The following DAB1 variants were observed in gnomAD, a reference collection of about 807,000 sequenced individuals.
The protein encoded by DAB1 is DAB adaptor protein 1.
DAB1 carries 15 observed loss-of-function variants against 64.6 expected under a neutral mutation model. The observed-to-expected ratio is 0.23, with a 90% CI of 0.16 to 0.36. The LOEUF (loss-of-function observed/expected upper bound fraction) is 0.36, where lower values mean the gene tolerates loss of function less well. Among genes scored for constraint, DAB1 ranks in the 10% least tolerant of loss-of-function variants. DAB1 has a pLI of 1.00. For synonymous variants in DAB1, 235 were observed against 251.9 expected (o/e 0.93, Z 0.64); for missense variants, 596 against 706.7 (o/e 0.84, Z 1.78).
chr1:57,707,045 G>T (rs1216410057), intron 6 of DAB1, among the ~76,000 whole-genome samples: 1 of 152,056 alleles, frequency 6.6e-6, no homozygotes, highest in Non-Finnish European at 1.5e-5. Flanking sequence ...CTGTCCTCTA[G>T]CCTGGGCAAC....
chr1:57,442,072 C>T (rs975248084), intron 7 of DAB1, among the ~76,000 whole-genome samples: 1 of 152,124 alleles, frequency 6.6e-6, no homozygotes, highest in Non-Finnish European at 1.5e-5. Context: ...TGTATAGGCT[C>T]ATTTCTAATC....
At chr1:57,658,470 A>G (rs1646344519) in intron 6 of DAB1, among the ~76,000 whole-genome samples, 1 of 151,204 alleles carries the variant, frequency 6.6e-6, no homozygotes. Context: ...TGCCCGGCTA[A>G]TTTTTTGTAT....
rs1646687036 is a variant in DAB1, at chr1:57,023,517, G to A, written c.895+14C>T. The A allele has an allele frequency of 4.0e-6, 6 of 1,491,734 alleles. No homozygotes were observed. Among genetic ancestry groups the A allele is most frequent in the Non-Finnish European group, 5.6e-6 (6 of 1,076,168 alleles). The allele number at this position is 1,491,734 out of a possible 1,614,324, so 92.4% of individuals were successfully genotyped here. A position where few individuals can be genotyped will look rare whatever the true frequency, so the allele number is the denominator to read the frequency against. ...GAAGGCCAAAGGAAGGGAAGCTGGT[G>A]GAAGAGGGCTTACCTGAGGGTACAG... On this transcript the variant is annotated intron_variant, in intron 11 of 14. Transcript: ENST00000371236.
intron 11 of DAB1, among the ~76,000 whole-genome samples, chr1:57,021,656 G>A (rs1189081085): frequency 6.6e-6 from 1 of 152,194 alleles, no homozygotes; most frequent in Non-Finnish European, 1.5e-5. Flanking sequence ...AAATTACCCG[G>A]TGTCAGGTAT....
At chr1:57,391,766 A>AACACACACACACACACAC (rs57332880) in intron 1 of DAB1, among the ~76,000 whole-genome samples, 1 of 94,566 alleles carries the variant, frequency 1.1e-5, no homozygotes, top group South Asian at 2.8e-4. Flanking sequence ...CAGAGGAATA[A>AACACACACACACACACAC]ACACACACAC....
chr1:58,085,659 T>C (rs1224274280), intron 5 of DAB1, among the ~76,000 whole-genome samples: 1 of 151,926 alleles, frequency 6.6e-6, no homozygotes, highest in Admixed American at 6.6e-5. Context: ...TGAGCCACTG[T>C]TCCCAACTAC....
intron 4 of DAB1, among the ~76,000 whole-genome samples, chr1:58,191,483 G>A (rs148580982): frequency 6.6e-6 from 1 of 152,264 alleles, no homozygotes; most frequent in Non-Finnish European, 1.5e-5. Flanking sequence ...GAACTCAACT[G>A]GAAAACCATT....
chr1:57,389,562 G>A (rs1314943004), intron 1 of DAB1, among the ~76,000 whole-genome samples: 1 of 152,060 alleles, frequency 6.6e-6, no homozygotes, highest in African/African-American at 2.4e-5. Flanking sequence ...AACTCCTATT[G>A]GCCTTTATCC....
At chr1:57,605,926 G>A (rs1645630496) in intron 7 of DAB1, 1 of 687,930 alleles carries the variant, frequency 1.5e-6, no homozygotes, top group Non-Finnish European at 2.7e-6. Flanking sequence ...AATCTCAGAA[G>A]GACTGTGCAA....
intron 5 of DAB1, among the ~76,000 whole-genome samples, chr1:58,049,656 C>G (rs892568638): frequency 6.6e-6 from 1 of 152,138 alleles, no homozygotes; most frequent in African/African-American, 2.4e-5. Context: ...ATGTTATTTG[C>G]TATATGACCT....
At chr1:58,432,133 G>A (rs757932217) in intron 3 of DAB1, among the ~76,000 whole-genome samples, 3 of 152,056 alleles carry the variant, frequency 2.0e-5, no homozygotes, top group Non-Finnish European at 2.9e-5. Flanking sequence ...CCTATCTCAG[G>A]GTCTCTGCCT....
chr1:57,386,386 A>AAAAAAAAAAAAAAAAG (rs548332875), intron 1 of DAB1, among the ~76,000 whole-genome samples: 1 of 144,258 alleles, frequency 6.9e-6, no homozygotes, highest in Non-Finnish European at 1.5e-5. Flanking sequence ...AAAAAAAAAA[A>AAAAAAAAAAAAAAAAG]ACCCGTCTTT....
At chr1:58,094,355 G>A (rs1159367944) in intron 5 of DAB1, among the ~76,000 whole-genome samples, 2 of 152,180 alleles carry the variant, frequency 1.3e-5, no homozygotes, top group African/African-American at 2.4e-5. Flanking sequence ...ATTGGACCCT[G>A]ACTGATACAG....
At chr1:58,338,166 T>A (rs1453274259) in intron 4 of DAB1, among the ~76,000 whole-genome samples, 1 of 152,164 alleles carries the variant, frequency 6.6e-6, no homozygotes, top group African/African-American at 2.4e-5. Context: ...AACCTTGATG[T>A]TTGAAAATAA....
chr1:57,725,495 G>T (rs1647197883), intron 6 of DAB1, among the ~76,000 whole-genome samples: 1 of 152,054 alleles, frequency 6.6e-6, no homozygotes, highest in Non-Finnish European at 1.5e-5. Flanking sequence ...GGCTAAGGTG[G>T]TGCTCTCCTT....
At chr1:57,290,733 T>TA (rs1257708107) in intron 2 of DAB1, among the ~76,000 whole-genome samples, 1 of 152,194 alleles carries the variant, frequency 6.6e-6, no homozygotes, top group Non-Finnish European at 1.5e-5. Flanking sequence ...GATACTCCTT[T>TA]ATATCATTCC....
chr1:58,471,768 C>T (rs1428846144), intron 3 of DAB1, among the ~76,000 whole-genome samples: 1 of 152,150 alleles, frequency 6.6e-6, no homozygotes, highest in Non-Finnish European at 1.5e-5. Flanking sequence ...CCCTCCTGCT[C>T]CTGCCATCTG....
intron 5 of DAB1, among the ~76,000 whole-genome samples, chr1:57,904,752 T>C (rs1644526362): frequency 6.6e-6 from 1 of 152,090 alleles, no homozygotes; most frequent in Admixed American, 6.6e-5. Flanking sequence ...TCAAAGGATC[T>C]AAAATAAAGC....
At chr1:57,948,668 GGGC>G (rs1359244306) in intron 5 of DAB1, among the ~76,000 whole-genome samples, 1 of 152,206 alleles carries the variant, frequency 6.6e-6, no homozygotes, top group African/African-American at 2.4e-5. Context: ...AGGCCAATCA[GGGC>G]TGATGAGATT....
Sources: gnomAD v4.1 joint callset for allele counts (sites outside exome capture counted in the v4.1 genomes callset) on GRCh38, gnomAD v4.1.1 for gene constraint, MANE v1.5 for transcripts, NCBI Gene and HGNC (gene_info 2026-07-23, HGNC 2026-07-21) for gene names.